The following PIK3R3 variants were observed in gnomAD, a reference collection of about 807,000 sequenced individuals.
PIK3R3 encodes phosphatidylinositol 3-kinase regulatory subunit gamma.
In PIK3R3, 64 loss-of-function variants were observed where a neutral mutation model predicts 62.9. That is an observed-to-expected ratio of 1.02 (90% confidence interval 0.83 to 1.25). The LOEUF is 1.25. Ranked by LOEUF, PIK3R3 falls within the 50% of genes most tolerant of loss-of-function variation. The pLI, the probability that PIK3R3 is intolerant of heterozygous loss-of-function variation, is 0.00. For synonymous variants in PIK3R3, 165 were observed against 189.0 expected (o/e 0.87, Z 1.04); for missense variants, 614 against 561.6 (o/e 1.09, Z -0.94).
the PIK3R3 span, among the ~76,000 whole-genome samples, chr1:46,157,380 A>G: frequency 6.6e-6 from 1 of 152,004 alleles, no homozygotes; most frequent in African/African-American, 2.4e-5. Flanking sequence ...CAACGTGCCC[A>G]CCTCGGCCTC....
intron 1 of PIK3R3, among the ~76,000 whole-genome samples, chr1:46,090,384 T>C (rs1164071124): frequency 6.6e-6 from 1 of 152,070 alleles, no homozygotes; most frequent in Admixed American, 6.6e-5. Context: ...CAGGATGGAG[T>C]GCGGTGGCGC....
chr1:46,140,152 C>A, the PIK3R3 span, among the ~76,000 whole-genome samples: 1 of 152,186 alleles, frequency 6.6e-6, no homozygotes, highest in African/African-American at 2.4e-5. Context: ...CCATGCCTGG[C>A]TAATTTTTTA....
rs1204236262 is a variant in PIK3R3 at position 46,045,911 on chromosome 1, G to A, written c.1187+7C>T. The A allele has an allele frequency of 6.2e-7, 1 of 1,608,456 alleles. No homozygotes were observed. Among genetic ancestry groups the A allele is most frequent in the Non-Finnish European group, 8.5e-7 (1 of 1,175,592 alleles). Reference sequence around the variant, plus strand: ...TTCAAAAGGTTATATCCCCAGAGAAGACTTACACCACAGAGCAAGCATAGC... The same window carrying A: ...TTCAAAAGGTTATATCCCCAGAGAAAACTTACACCACAGAGCAAGCATAGC... On this transcript the variant is annotated splice_region_variant and intron_variant, in intron 9 of 9. Transcript: ENST00000262741.
the PIK3R3 span, among the ~76,000 whole-genome samples, chr1:46,165,526 G>A: frequency 1.3e-5 from 2 of 151,296 alleles, no homozygotes; most frequent in African/African-American, 2.4e-5. Flanking sequence ...GGCTGGTCTC[G>A]AACTCCCGAC....
the PIK3R3 span, among the ~76,000 whole-genome samples, chr1:46,167,433 G>GGA: frequency 2.1e-3 from 322 of 152,356 alleles, no homozygotes; most frequent in Non-Finnish European, 3.5e-3. Context: ...AGCTAGGTGA[G>GGA]GAGCAGCCTC....
At chr1:46,114,673 C>T (rs1009825334) in intron 1 of PIK3R3, among the ~76,000 whole-genome samples, 3 of 151,836 alleles carry the variant, frequency 2.0e-5, no homozygotes, top group African/African-American at 7.3e-5. Context: ...GGCATAATCA[C>T]AGCTCAGTGT....
At chr1:46,162,470 CAAAT>C in the PIK3R3 span, among the ~76,000 whole-genome samples, 8 of 151,916 alleles carry the variant, frequency 5.3e-5, no homozygotes, top group African/African-American at 1.5e-4. Flanking sequence ...GACTCCATCT[CAAAT>C]AAATAAATTA....
chr1:46,075,643 C>T lies in PIK3R3; in HGVS notation c.314+1872G>A, dbSNP rs1386129506. ...TGTTAAAAAAAAAAAAAATTACCTT[C>T]CTCTAGAATCATTCCTGGTACCAAA... is the stretch of plus-strand genomic sequence containing the variant. On this transcript the variant is annotated intron_variant, in intron 3 of 9. Coordinates refer to ENST00000262741, the MANE Select transcript of PIK3R3 (RefSeq NM_003629.4). Among the ~76,000 whole-genome samples, 5 of 152,000 alleles carry T rather than the reference C, an allele frequency of 3.3e-5. No individual in the cohort carries two copies. In the East Asian group the frequency reaches 9.7e-4, roughly 29 times the overall value.
At chr1:46,147,960 A>G in the PIK3R3 span, among the ~76,000 whole-genome samples, 285 of 152,306 alleles carry the variant, frequency 1.9e-3, 1 homozygote, top group African/African-American at 6.7e-3. Flanking sequence ...TTTTAAGCTG[A>G]CTTCTAAATT....
At chr1:46,169,812 C>T in the PIK3R3 span, among the ~76,000 whole-genome samples, 1 of 152,190 alleles carries the variant, frequency 6.6e-6, no homozygotes, top group African/African-American at 2.4e-5. Context: ...CTTCTGGGTT[C>T]CTGAGTTTGC....
intron 1 of PIK3R3, among the ~76,000 whole-genome samples, chr1:46,131,168 G>A (rs1655549571): frequency 6.6e-6 from 1 of 151,986 alleles, no homozygotes; most frequent in South Asian, 2.1e-4. Context: ...CATAAATTAA[G>A]TTAAATCATC....
intron 1 of PIK3R3, among the ~76,000 whole-genome samples, chr1:46,110,342 G>A (rs1471154628): frequency 6.4e-5 from 9 of 140,374 alleles, no homozygotes; most frequent in South Asian, 2.2e-4. Context: ...GGCTGGTCTC[G>A]AACTCCTGAC....
At chr1:46,159,076 G>A in the PIK3R3 span, among the ~76,000 whole-genome samples, 2 of 133,148 alleles carry the variant, frequency 1.5e-5, no homozygotes, top group Admixed American at 7.9e-5. Flanking sequence ...AGCAAAGTGA[G>A]ACTCCATCTC....
chr1:46,111,308 C>G (rs1458068614), intron 1 of PIK3R3, among the ~76,000 whole-genome samples: 1 of 152,048 alleles, frequency 6.6e-6, no homozygotes, highest in Non-Finnish European at 1.5e-5. Flanking sequence ...CAAATTCAAA[C>G]CAGTCTTCTA....
At chr1:46,093,992 C>A (rs11805376) in intron 1 of PIK3R3, among the ~76,000 whole-genome samples, 5 of 151,622 alleles carry the variant, frequency 3.3e-5, no homozygotes, top group Non-Finnish European at 7.4e-5. Context: ...TCACCTGAGC[C>A]CAGGATGTCG....
intron 1 of PIK3R3, among the ~76,000 whole-genome samples, chr1:46,106,555 C>T (rs952976734): frequency 1.3e-5 from 2 of 151,986 alleles, no homozygotes; most frequent in African/African-American, 2.4e-5. Context: ...CAAATATAAA[C>T]GACTTAGCAG....
At chr1:46,053,438 T>C (rs1237412279) in intron 7 of PIK3R3, among the ~76,000 whole-genome samples, 1 of 152,168 alleles carries the variant, frequency 6.6e-6, no homozygotes, top group Non-Finnish European at 1.5e-5. Flanking sequence ...AATTCATAGG[T>C]TGAAAATCTA....
intron 3 of PIK3R3, among the ~76,000 whole-genome samples, chr1:46,077,161 G>T (rs1479818596): frequency 6.6e-6 from 1 of 152,096 alleles, no homozygotes; most frequent in Non-Finnish European, 1.5e-5. Context: ...TCTAAAGTCT[G>T]CATTAAGGAA....
At chr1:46,118,631 C>G (rs1654395097) in intron 1 of PIK3R3, among the ~76,000 whole-genome samples, 1 of 150,456 alleles carries the variant, frequency 6.6e-6, no homozygotes, top group Non-Finnish European at 1.5e-5. Context: ...TCTCAGCTCA[C>G]TGCAACCTCT....
Sources: allele counts gnomAD v4.1 joint callset (sites outside exome capture counted in the v4.1 genomes callset), GRCh38; gene constraint gnomAD v4.1.1; transcripts MANE v1.5; gene names NCBI Gene and HGNC (gene_info 2026-07-23, HGNC 2026-07-21).